STAT5A: variants seen among roughly 807,000 people sequenced by gnomAD.
STAT5A encodes signal transducer and activator of transcription 5A.
STAT5A carries 26 observed loss-of-function variants against 100.2 expected under a neutral mutation model. The ratio of observed to expected loss-of-function variants is 0.26; its 90% CI spans 0.19 to 0.36. The LOEUF is 0.36. Ranked by LOEUF, STAT5A falls within the 10% of genes least tolerant of loss-of-function variation. The probability of loss-of-function intolerance (pLI) is 1.00; values close to 1 mark genes in which losing one functional copy is unlikely to be tolerated. For missense variants in STAT5A, 634 were observed against 1,027.5 expected, an observed-to-expected ratio of 0.62 and a Z score of 5.24; for synonymous variants, 330 against 424.3, an observed-to-expected ratio of 0.78 and a Z score of 2.73.
chr17:42,295,970 A>G (rs566338630), intron 5 of STAT5A, among the ~76,000 whole-genome samples, 177 bp downstream of exon 5: 1 of 152,276 alleles, frequency 6.6e-6, no homozygotes, highest in Non-Finnish European at 1.5e-5. Flanking sequence ...GGCACACATT[A>G]TTTAATTCAA....
intron 5 of STAT5A, among the ~76,000 whole-genome samples, chr17:42,298,346 A>C (rs2080939810): frequency 1.3e-5 from 2 of 150,886 alleles, no homozygotes; most frequent in Non-Finnish European, 2.9e-5. Context: ...TTTTTAGTAG[A>C]GACAGGGTCT....
intron 1 of STAT5A, 150 bp from the exon 2 acceptor site, chr17:42,289,252 T>C (rs1007176851): frequency 2.3e-6 from 2 of 885,002 alleles, no homozygotes; most frequent in African/African-American, 3.5e-5. Flanking sequence ...CTCCTCACCA[T>C]CTCTGTTCCC....
intron 5 of STAT5A, among the ~76,000 whole-genome samples, chr17:42,298,473 T>G (rs2080941323): frequency 3.4e-5 from 4 of 118,404 alleles, no homozygotes; most frequent in Admixed American, 2.5e-4. Context: ...TGATGGATAC[T>G]TTTTTTTTTT....
Position 42,310,799 on chromosome 17 carries a change from T to A in STAT5A, c.*130T>A. The A allele has an allele frequency of 7.2e-7, 1 of 1,383,196 alleles. No individual in the cohort carries two copies. The allele number at this position is 1,383,196 out of a possible 1,614,324, so 85.7% of individuals were successfully genotyped here. A position where few individuals can be genotyped will look rare whatever the true frequency, so the allele number is the denominator to read the frequency against. ...GTGCTTGTGTGTGTGTGTGTGTGTGTGTCCTTGTGCATGAGCTACGCCTGC... is the reference window on the plus strand; with the variant it reads ...GTGCTTGTGTGTGTGTGTGTGTGTGAGTCCTTGTGCATGAGCTACGCCTGC... On this transcript the variant is annotated 3_prime_UTR_variant, in exon 19 of 19. Coordinates refer to ENST00000590949, the MANE Select transcript of STAT5A (RefSeq NM_001288718.2).
At chr17:42,299,606 C>T (rs1471316655) in intron 5 of STAT5A, 145 bp from the exon 6 acceptor site, 5 of 1,382,704 alleles carry the variant, frequency 3.6e-6, no homozygotes, top group Admixed American at 4.8e-5. Flanking sequence ...ATCTTGGCCC[C>T]CCTGGCTGTC....
intron 4 of STAT5A, 106 bp from the exon 5 acceptor site, chr17:42,295,513 A>AGTTTGGG: frequency 1.7e-6 from 2 of 1,205,582 alleles, no homozygotes; most frequent in African/African-American, 1.5e-5. Context: ...TTCTTACCCT[A>AGTTTGGG]GTTTGGGGTT....
At chr17:42,305,031 G>A (rs114840474) in intron 11 of STAT5A, among the ~76,000 whole-genome samples, 2,736 of 151,894 alleles carry the variant, frequency 0.018, 84 homozygotes, top group African/African-American at 0.063. Flanking sequence ...GTGAGAACCC[G>A]TATCTACAAA....
intron 13 of STAT5A, 142 bp from the exon 14 acceptor site, chr17:42,307,260 A>G: frequency 2.6e-6 from 2 of 783,886 alleles, no homozygotes; most frequent in South Asian, 3.2e-5. Flanking sequence ...GGGCTGTGTC[A>G]CTTTATGGTC....
chr17:42,309,286 C>T lies in STAT5A; in HGVS notation c.2115-91C>T, dbSNP rs144678774. 5.3e-4 allele frequency: 821 copies of T among 1,544,334 alleles called. 1 individual carries two copies. The African/African-American group carries it at 9.6e-3, about 18-fold the overall frequency. ...TGGGGCACTTTGTCCGTCTACACCC[C>T]GAGAAAGACAAACATGCCCCTCGGT... On this transcript the variant is annotated intron_variant, in intron 17 of 18. Transcript: ENST00000590949.
At chr17:42,301,493 G>A (rs2080978678) in intron 9 of STAT5A, 39 bp downstream of exon 9, 4 of 1,611,878 alleles carry the variant, frequency 2.5e-6, no homozygotes, top group Non-Finnish European at 3.4e-6. Flanking sequence ...AAGCTTAGGT[G>A]TGGGGGACCT....
Position 42,310,708 on chromosome 17 carries a change from AATGTGAAGCGGT to A in STAT5A, c.*40_*51del, listed in dbSNP as rs777063940. 2 of 1,612,720 alleles carry A rather than the reference AATGTGAAGCGGT, an allele frequency of 1.2e-6. No individual in the cohort carries two copies. Among genetic ancestry groups the A allele is most frequent in the South Asian group, 2.2e-5 (2 of 91,056 alleles). ...ACGCTTCTCTTTGGAAACAATATGC[AATGTGAAGCGGT>A]CGTGTTGTGAGTTTAGTAAGGCTGT... On this transcript the variant is annotated 3_prime_UTR_variant, in exon 19 of 19. Coordinates refer to ENST00000590949, the MANE Select transcript of STAT5A (RefSeq NM_001288718.2).
At chr17:42,290,049 G>A (rs1427293451) in intron 3 of STAT5A, 27 bp downstream of exon 3, 8 of 1,577,012 alleles carry the variant, frequency 5.1e-6, no homozygotes, top group African/African-American at 2.7e-5. Flanking sequence ...GGCCACCTAC[G>A]GGGAGGAAGC....
At chr17:42,298,264 A>G (rs901934597) in intron 5 of STAT5A, among the ~76,000 whole-genome samples, 1 of 150,974 alleles carries the variant, frequency 6.6e-6, no homozygotes, top group Admixed American at 6.6e-5. Flanking sequence ...GGGTTCAAGC[A>G]ATTCTCCTGC....
chr17:42,290,240 C>CAG (rs2144492800), intron 3 of STAT5A: 2 of 568,808 alleles, frequency 3.5e-6, no homozygotes, highest in South Asian at 3.1e-5. Context: ...TTGTTGCCAA[C>CAG]AGAGAGAGAT....
rs2081075998 is a variant in STAT5A at position 42,311,046 on chromosome 17, T to A, written c.*377T>A. ...GGGGAGGGGAGACAGGTAACGTCTG[T>A]AAGCTGAAGTTTCACTCCGGAGTGA... On this transcript the variant is annotated 3_prime_UTR_variant, in exon 19 of 19. Coordinates refer to ENST00000590949, the MANE Select transcript of STAT5A (RefSeq NM_001288718.2). 1 of 249,922 alleles carries A rather than the reference T, an allele frequency of 4.0e-6. No homozygotes were observed. Among genetic ancestry groups the A allele is most frequent in the Non-Finnish European group, 8.1e-6 (1 of 123,972 alleles). 15.5% of individuals were successfully genotyped at this position (249,922 alleles called of 1,614,324 possible).
chr17:42,288,558 C>T lies in STAT5A; in HGVS notation c.-51C>T, dbSNP rs1426590284. ...CCGGCCGGGAGCGAGAGCCGCGGGG[C>T]GCAGAGCCGGCCCGGCTGCCGGACG... On this transcript the variant is annotated 5_prime_UTR_variant, in exon 1 of 19. Coordinates refer to ENST00000590949, the MANE Select transcript of STAT5A (RefSeq NM_001288718.2). This position sits in a 1 kb window ranked among gnomAD's most constrained non-coding sequence, Gnocchi z 4.8. 1 of 152,734 alleles carries T rather than the reference C, an allele frequency of 6.5e-6. No homozygotes were observed. The highest frequency in any genetic ancestry group is 1.5e-5 in the Non-Finnish European group (1 of 68,230). The allele number at this position is 152,734 out of a possible 1,614,324, so 9.5% of individuals were successfully genotyped here. A position where few individuals can be genotyped will look rare whatever the true frequency, so the allele number is the denominator to read the frequency against.
At position 42,307,574 on chromosome 17, in the gene STAT5A, C is replaced by T. The variant is rs749456542; in HGVS notation, c.1776-19C>T. 7.4e-6 allele frequency: 12 copies of T among 1,614,062 alleles called. No homozygotes were observed. Among genetic ancestry groups the T allele is most frequent in the Non-Finnish European group, 1.0e-5 (12 of 1,179,986 alleles). ...GTGGCTGTGGCCCAGTGGTGACGCT[C>T]AATGCTCCGTGCACCCAGGGCCATC... On this transcript the variant is annotated intron_variant, in intron 14 of 18. Transcript: ENST00000590949.
chr17:42,298,503 GCT>G (rs1401186111), intron 5 of STAT5A, among the ~76,000 whole-genome samples: 6 of 140,114 alleles, frequency 4.3e-5, no homozygotes, highest in African/African-American at 1.6e-4. Flanking sequence ...ACAGAGTCTA[GCT>G]CTGTCGCCCA....
chr17:42,288,628 G>C lies in STAT5A; in HGVS notation c.-11+30G>C, dbSNP rs2080836253. On this transcript the variant is annotated intron_variant, in intron 1 of 18. Transcript: ENST00000590949. The surrounding 1 kb of genome is among the most constrained non-coding windows in gnomAD (Gnocchi z 4.8). ...GTGACCCGGTGGCGCGTCCTCGGCG[G>C]CGCGCCGAGAGGGGACACTCTACTG... The C allele has an allele frequency of 1.3e-5, 2 of 152,216 alleles. No homozygotes were observed. Among genetic ancestry groups the C allele is most frequent in the South Asian group, 2.1e-4 (1 of 4,842 alleles). The allele number at this position is 152,216 out of a possible 1,614,324, so 9.4% of individuals were successfully genotyped here.
Sources: gnomAD v4.1 joint callset for allele counts (sites outside exome capture counted in the v4.1 genomes callset) on GRCh38, gnomAD v4.1.1 for gene constraint, Gnocchi (gnomAD v3.1) non-coding constraint, MANE v1.5 for transcripts, NCBI Gene and HGNC (gene_info 2026-07-23, HGNC 2026-07-21) for gene names.